The following PFKM variants were observed in gnomAD, a reference collection of about 807,000 sequenced individuals.
PFKM encodes the protein ATP-dependent 6-phosphofructokinase, muscle type.
Under a neutral mutation model 95.5 loss-of-function variants are expected in PFKM, and 58 were observed. The ratio of observed to expected loss-of-function variants is 0.61; its 90% CI spans 0.49 to 0.76. PFKM has a LOEUF of 0.76. PFKM is among the 30% of genes least tolerant of loss of function. PFKM has a pLI of 0.00. For synonymous variants in PFKM, 336 were observed against 357.2 expected (o/e 0.94, Z 0.67); for missense variants, 678 against 1,005.4 (o/e 0.67, Z 4.40).
chr12:48,105,770 T>C (rs2137443661), upstream of PFKM: 1 of 564,672 alleles, frequency 1.8e-6, no homozygotes, highest in Non-Finnish European at 3.2e-6. Flanking sequence ...AGACGGTCTC[T>C]CCGCGGCCCA....
intron 3 of PFKM, among the ~76,000 whole-genome samples, chr12:48,111,540 T>C (rs1166145346): frequency 6.6e-6 from 1 of 152,146 alleles, no homozygotes; most frequent in African/African-American, 2.4e-5. Flanking sequence ...GTTAAGACAA[T>C]GAGTTCAGCT....
At chr12:48,109,941 A>C (rs992097232) in intron 3 of PFKM, among the ~76,000 whole-genome samples, 9 of 152,226 alleles carry the variant, frequency 5.9e-5, no homozygotes, top group Non-Finnish European at 8.8e-5. Context: ...CACTGGGAAT[A>C]AAGTAGTAAA....
chr12:48,145,854 A>T lies in PFKM; in HGVS notation c.*146A>T. 1 of 817,646 alleles carries T rather than the reference A, an allele frequency of 1.2e-6. No individual in the cohort carries two copies. 50.6% of individuals were successfully genotyped at this position (817,646 alleles called of 1,614,324 possible). A position where few individuals can be genotyped will look rare whatever the true frequency, so the allele number is the denominator to read the frequency against. ...GCAGCCATGACCAGTTCTGGCCAGG[A>T]GCTGGAGGAGCAGGCAGTGGGTGGG... On this transcript the variant is annotated 3_prime_UTR_variant, in exon 23 of 23. Transcript: ENST00000359794. The surrounding 1 kb of genome is among the most constrained non-coding windows in gnomAD (Gnocchi z 4.3).
At chr12:48,144,970 A>T in intron 20 of PFKM, 61 bp from the exon 21 acceptor site, 1 of 1,159,474 alleles carries the variant, frequency 8.6e-7, no homozygotes, top group Non-Finnish European at 1.3e-6. Context: ...CTGTGTGTCT[A>T]GATATCTCTG....
At chr12:48,137,878 A>G (rs778524404) in intron 11 of PFKM, 32 bp downstream of exon 11, 6 of 1,612,378 alleles carry the variant, frequency 3.7e-6, no homozygotes, top group Non-Finnish European at 5.1e-6. Context: ...CTTTCTTAAC[A>G]CTCTCAAGCC....
At chr12:48,140,653 T>A in intron 13 of PFKM, 69 bp from the exon 14 acceptor site, 1 of 1,534,194 alleles carries the variant, frequency 6.5e-7, no homozygotes, top group Non-Finnish European at 9.0e-7. Context: ...CTTGCCCTCC[T>A]TTACTAACCT....
At chr12:48,137,657 C>T in intron 10 of PFKM, 64 bp from the exon 11 acceptor site, 1 of 1,606,242 alleles carries the variant, frequency 6.2e-7, no homozygotes, top group Non-Finnish European at 8.5e-7. Flanking sequence ...TATCCTGACT[C>T]TCTAGGCTGA....
chr12:48,134,352 A>T, intron 7 of PFKM, 76 bp downstream of exon 7: 1 of 1,227,170 alleles, frequency 8.1e-7, no homozygotes, highest in Non-Finnish European at 1.2e-6. Flanking sequence ...GAGTCCAGTG[A>T]GGTCTCTCAG....
chr12:48,115,953 T>G (rs1013930364), upstream of PFKM, among the ~76,000 whole-genome samples: 18 of 152,278 alleles, frequency 1.2e-4, no homozygotes, highest in African/African-American at 4.3e-4. Context: ...GGTATATACC[T>G]AGGAGTGGAA....
intron 9 of PFKM, 47 bp downstream of exon 9, chr12:48,135,085 C>G: frequency 7.1e-7 from 1 of 1,415,994 alleles, no homozygotes; most frequent in Non-Finnish European, 1.0e-6. Flanking sequence ...ATAGCCCATT[C>G]CCTTCTGGCT....
intron 2 of PFKM, among the ~76,000 whole-genome samples, chr12:48,124,295 G>A (rs1268927707): frequency 2.0e-5 from 3 of 152,304 alleles, no homozygotes; most frequent in Admixed American, 2.0e-4. Flanking sequence ...AGAAACCACA[G>A]ATCTGGCTTT....
At chr12:48,118,704 C>A, upstream of PFKM, 1 of 649,268 alleles carries the variant, frequency 1.5e-6, no homozygotes, top group Non-Finnish European at 2.8e-6. Flanking sequence ...GCCCCCATCC[C>A]TCCCCACTGC....
chr12:48,129,206 CTTTCTTT>C (rs1949166408), intron 2 of PFKM, among the ~76,000 whole-genome samples: 1 of 46,060 alleles, frequency 2.2e-5, no homozygotes, highest in East Asian at 7.0e-4. Context: ...TTTTAATTTT[CTTTCTTT>C]TTTTTTTTTT....
At chr12:48,137,983 G>A in intron 11 of PFKM, 137 bp downstream of exon 11, 1 of 923,436 alleles carries the variant, frequency 1.1e-6, no homozygotes, top group Non-Finnish European at 1.8e-6. Flanking sequence ...AGACATGTGG[G>A]GAAAGAACAC....
chr12:48,137,542 A>G, intron 10 of PFKM, 179 bp from the exon 11 acceptor site: 1 of 682,518 alleles, frequency 1.5e-6, no homozygotes, highest in Non-Finnish European at 2.6e-6. Flanking sequence ...ATACAGAGTC[A>G]TCAAGCTTTA....
At chr12:48,118,583 A>T, upstream of PFKM, 9 of 1,414,080 alleles carry the variant, frequency 6.4e-6, no homozygotes, top group Non-Finnish European at 8.7e-6. Context: ...GGAAGGTGAG[A>T]CTTGAGTAAT....
chr12:48,109,147 A>T (rs1056269024), intron 3 of PFKM, among the ~76,000 whole-genome samples: 5 of 152,230 alleles, frequency 3.3e-5, no homozygotes, highest in Non-Finnish European at 5.9e-5. Context: ...ACAATGTGTA[A>T]GTTAAGAACT....
At chr12:48,129,760 G>A (rs1257987356) in intron 2 of PFKM, among the ~76,000 whole-genome samples, 1 of 152,184 alleles carries the variant, frequency 6.6e-6, no homozygotes, top group African/African-American at 2.4e-5. Flanking sequence ...TCTTTGTCCT[G>A]AAATGCCAAC....
At chr12:48,142,642 C>T in intron 17 of PFKM, 140 bp from the exon 18 acceptor site, 3 of 830,670 alleles carry the variant, frequency 3.6e-6, no homozygotes, top group Non-Finnish European at 6.1e-6. Flanking sequence ...ACCCTAAATG[C>T]AAGAACTTGA....
Sources: gnomAD v4.1 joint callset for allele counts (sites outside exome capture counted in the v4.1 genomes callset) on GRCh38, gnomAD v4.1.1 for gene constraint, Gnocchi (gnomAD v3.1) non-coding constraint, MANE v1.5 for transcripts, NCBI Gene and HGNC (gene_info 2026-07-23, HGNC 2026-07-21) for gene names.